ANKHD1: variants seen among roughly 807,000 people sequenced by gnomAD.
The protein encoded by ANKHD1 is ankyrin repeat and KH domain-containing protein 1.
Under a neutral mutation model 230.5 loss-of-function variants are expected in ANKHD1, and 31 were observed. The observed-to-expected ratio is 0.13, with a 90% CI of 0.10 to 0.18. The LOEUF (loss-of-function observed/expected upper bound fraction) is 0.18, where lower values mean the gene tolerates loss of function less well. ANKHD1 is among the 10% of genes least tolerant of loss of function. The pLI, the probability that ANKHD1 is intolerant of heterozygous loss-of-function variation, is 1.00. For missense variants in ANKHD1, 2,256 were observed against 3,071.3 expected (o/e 0.73, Z 6.27); for synonymous variants, 1,074 against 1,117.6 (o/e 0.96, Z 0.78).
chr5:140,502,038 T>TA (rs750983725), intron 15 of ANKHD1, among the ~76,000 whole-genome samples: 4,189 of 132,534 alleles, frequency 0.032, 199 homozygotes, highest in African/African-American at 0.1. Flanking sequence ...CCTATCTCTT[T>TA]AAAAAAAAAA....
At chr5:140,402,630 A>T (rs1216192295) in intron 1 of ANKHD1, among the ~76,000 whole-genome samples, 6 of 152,186 alleles carry the variant, frequency 3.9e-5, no homozygotes, top group Non-Finnish European at 7.4e-5. Context: ...AGAGACAAAC[A>T]GAGACAGAGA....
chr5:140,409,401 A>G lies in ANKHD1; in HGVS notation c.306+7128A>G, dbSNP rs1188190904. On this transcript the variant is annotated intron_variant, in intron 1 of 33. Coordinates refer to ENST00000360839, the MANE Select transcript of ANKHD1 (RefSeq NM_017747.3). ...TTAAAAAACTTTTATGGGGACTTCC[A>G]GTTTGTTCAAAGTAGAAATGCTTTA... 2.0e-5 allele frequency among the ~76,000 whole-genome samples: 3 copies of G among 152,194 alleles called. No individual in the cohort carries two copies. In the East Asian group the frequency reaches 5.8e-4, roughly 29 times the overall value.
intron 29 of ANKHD1, chr5:140,532,798 A>G: frequency 2.3e-6 from 1 of 435,026 alleles, no homozygotes; most frequent in South Asian, 1.6e-5. Context: ...CAAAATGCAC[A>G]TCATGATCTT....
intron 1 of ANKHD1, among the ~76,000 whole-genome samples, chr5:140,433,544 C>G (rs1773219824): frequency 6.6e-6 from 1 of 152,190 alleles, no homozygotes; most frequent in African/African-American, 2.4e-5. Context: ...TGATTTCTCC[C>G]TCATTAGTGC....
intron 29 of ANKHD1, among the ~76,000 whole-genome samples, chr5:140,533,641 G>A (rs1753937712): frequency 6.6e-6 from 1 of 151,662 alleles, no homozygotes; most frequent in South Asian, 2.1e-4. Context: ...CAGTGTGGTG[G>A]TACACGCTTG....
chr5:140,523,812 C>T (rs775709893), intron 24 of ANKHD1, among the ~76,000 whole-genome samples: 2 of 152,116 alleles, frequency 1.3e-5, no homozygotes, highest in Admixed American at 6.6e-5. Context: ...CCACCGACCT[C>T]GGCCTCTCAA....
intron 20 of ANKHD1, among the ~76,000 whole-genome samples, chr5:140,508,764 G>A (rs1014762274): frequency 1.8e-5 from 2 of 109,456 alleles, no homozygotes; most frequent in East Asian, 2.5e-4. Context: ...CCCACCCCCC[G>A]CCCCCACAAA....
rs527490838 is a variant in ANKHD1, at chr5:140,504,913, G to A, written c.3097G>A (p.Val1033Met). 1 of 1,614,156 alleles carries A rather than the reference G, an allele frequency of 6.2e-7. No individual in the cohort carries two copies. Among genetic ancestry groups the A allele is most frequent in the South Asian group, 1.1e-5 (1 of 91,084 alleles). Residue 1033 changes from valine (V) to methionine (M), a missense_variant, in exon 16 of 34, where the codon GTG becomes ATG. Physicochemically the swap from Val to Met is conservative, Grantham distance 21. Coordinates refer to ENST00000360839, the MANE Select transcript of ANKHD1 (RefSeq NM_017747.3). ...PESCSQTTSN[V>M]ASQSMPPVYP... is the part of the protein sequence containing the mutation. ...ATCCTGTTCGCAGACTACAAGCAAT[G>A]TGGCTTCCCAATCGATGCCTCCTGT...
At chr5:140,525,721 A>C (rs1753573654) in intron 25 of ANKHD1, among the ~76,000 whole-genome samples, 2 of 152,028 alleles carry the variant, frequency 1.3e-5, no homozygotes, top group Admixed American at 6.6e-5. Flanking sequence ...TACAAAAATT[A>C]GCCGGGCATG....
At chr5:140,459,001 T>TGC (rs1561755607) in intron 8 of ANKHD1, 139 bp downstream of exon 8, 4,121 of 59,064 alleles carry the variant, frequency 0.07, 108 homozygotes, top group Non-Finnish European at 0.081. Flanking sequence ...TATATGCATA[T>TGC]ATATATATAT....
intron 7 of ANKHD1, among the ~76,000 whole-genome samples, chr5:140,450,530 G>T (rs549522931): frequency 4.1e-5 from 6 of 148,098 alleles, no homozygotes; most frequent in African/African-American, 1.5e-4. Context: ...TTTTCTATTG[G>T]TCTCTCTCTC....
rs1775964302 is a variant in ANKHD1 at position 140,464,683 on chromosome 5, T to C, written c.1689T>C (p.Ala563=). The C allele has an allele frequency of 1.2e-6, 2 of 1,600,014 alleles. No homozygotes were observed. The highest frequency in any genetic ancestry group is 2.2e-5 in the East Asian group (1 of 44,648). The change falls in exon 10 of 34, where the codon GCT becomes GCC. Residue 563 remains alanine, a synonymous_variant. Transcript: ENST00000360839. ...YLLASGANVH[A]TTATGDTALT... is the part of the protein sequence containing the mutation. ...GTTTGCTAGGCGCTAATGTGCATGC[T>C]ACAACAGCAACAGGAGACACAGCCT...
intron 14 of ANKHD1, 99 bp downstream of exon 14, chr5:140,487,159 G>A (rs1390495511): frequency 1.4e-5 from 17 of 1,199,080 alleles, no homozygotes; most frequent in Non-Finnish European, 1.8e-5. Context: ...GTGTACCCAT[G>A]GCTAATTGAG....
chr5:140,429,482 T>A (rs562970094), intron 1 of ANKHD1, among the ~76,000 whole-genome samples: 1 of 152,326 alleles, frequency 6.6e-6, no homozygotes, highest in Admixed American at 6.5e-5. Flanking sequence ...TTATTTAACA[T>A]GTTAAAAGTA....
chr5:140,441,264 G>GT, intron 5 of ANKHD1, 122 bp downstream of exon 5: 1 of 1,274,838 alleles, frequency 7.8e-7, no homozygotes, highest in Non-Finnish European at 1.0e-6. Flanking sequence ...TAGCCCTTGT[G>GT]TAGAATCTTT....
chr5:140,452,391 G>A (rs1774819857), intron 7 of ANKHD1, among the ~76,000 whole-genome samples: 1 of 152,206 alleles, frequency 6.6e-6, no homozygotes, highest in Non-Finnish European at 1.5e-5. Context: ...CAAGCACGGA[G>A]TTTGAGATCT....
chr5:140,405,874 T>A (rs913518255), intron 1 of ANKHD1, among the ~76,000 whole-genome samples: 3 of 151,982 alleles, frequency 2.0e-5, no homozygotes, highest in African/African-American at 7.2e-5. Context: ...CTCAAGTGAT[T>A]CTCCCACCTT....
rs544574118 is a variant in ANKHD1, at chr5:140,485,378, G to A, written c.1998+130G>A. The A allele has an allele frequency of 7.0e-5, 69 of 990,250 alleles. No homozygotes were observed. The African/African-American group carries it at 1.1e-3, about 16-fold the overall frequency. The allele number at this position is 990,250 out of a possible 1,614,324, so 61.3% of individuals were successfully genotyped here. A position where few individuals can be genotyped will look rare whatever the true frequency, so the allele number is the denominator to read the frequency against. The stretch of plus-strand genomic sequence containing the variant: ...TTGAGACTAGTCTAGGCAACATAAG[G>A]AGACCCCATCTCTATTAAAACACAC... On this transcript the variant is annotated intron_variant, in intron 12 of 33. Transcript: ENST00000360839. This position sits in a 1 kb window ranked among gnomAD's most constrained non-coding sequence, Gnocchi z 4.8.
chr5:140,486,807 T>G, intron 13 of ANKHD1, 151 bp from the exon 14 acceptor site: 1 of 627,960 alleles, frequency 1.6e-6, no homozygotes, highest in Non-Finnish European at 2.5e-6. Flanking sequence ...AAATTATTGC[T>G]TGGTGAAAGC....
Sources: gnomAD v4.1 joint callset for allele counts (sites outside exome capture counted in the v4.1 genomes callset) on GRCh38, gnomAD v4.1.1 for gene constraint, Gnocchi (gnomAD v3.1) non-coding constraint, MANE v1.5 for transcripts, NCBI Gene and HGNC (gene_info 2026-07-23, HGNC 2026-07-21) for gene names.